Variants in LHFPL3 observed in about 807,000 individuals in gnomAD.
LHFPL3 encodes LHFPL tetraspan subfamily member 3 protein.
A neutral mutation model predicts 19.3 loss-of-function variants in LHFPL3; 5 were observed. The ratio of observed to expected loss-of-function variants is 0.26; its 90% CI spans 0.14 to 0.54. LHFPL3 has a LOEUF of 0.54. Ranked by LOEUF, LHFPL3 falls within the 20% of genes least tolerant of loss-of-function variation. LHFPL3 has a pLI of 0.94. For missense variants in LHFPL3, 249 were observed against 307.4 expected (o/e 0.81, Z 1.42); for synonymous variants, 133 against 126.2 (o/e 1.05, Z -0.36).
intron 1 of LHFPL3, among the ~76,000 whole-genome samples, chr7:104,707,585 A>G (rs1793215680): frequency 6.6e-6 from 1 of 152,162 alleles, no homozygotes; most frequent in African/African-American, 2.4e-5. Context: ...CACAAGGAGG[A>G]TGTTTATTCT....
chr7:104,444,942 C>T (rs115506240), intron 1 of LHFPL3, among the ~76,000 whole-genome samples: 2,546 of 151,820 alleles, frequency 0.017, 85 homozygotes, highest in East Asian at 0.13. Context: ...GAGTTGAAAT[C>T]GCGCCATTGC....
chr7:104,372,209 C>T (rs1157136451), intron 1 of LHFPL3, among the ~76,000 whole-genome samples: 1 of 152,150 alleles, frequency 6.6e-6, no homozygotes, highest in Non-Finnish European at 1.5e-5. Context: ...TCCAGCCTTG[C>T]GCAGCCTGGA....
chr7:104,846,891 G>A (rs1394987615), intron 2 of LHFPL3, among the ~76,000 whole-genome samples: 1 of 152,214 alleles, frequency 6.6e-6, no homozygotes, highest in Non-Finnish European at 1.5e-5. Context: ...AGTTTGCTGA[G>A]TAACCTCAGG....
intron 1 of LHFPL3, among the ~76,000 whole-genome samples, chr7:104,697,630 G>A (rs1161490243): frequency 6.6e-6 from 1 of 152,218 alleles, no homozygotes. Context: ...AACAAGTGGT[G>A]TATTTTGGAG....
intron 1 of LHFPL3, among the ~76,000 whole-genome samples, chr7:104,366,663 T>G (rs1790500623): frequency 1.3e-5 from 2 of 152,312 alleles, no homozygotes; most frequent in Middle Eastern, 3.4e-3. Context: ...GCCTCCCACT[T>G]CTATAGGATG....
At chr7:104,833,073 T>TTA (rs374962817) in intron 2 of LHFPL3, among the ~76,000 whole-genome samples, 1 of 89,676 alleles carries the variant, frequency 1.1e-5, no homozygotes, top group African/African-American at 4.8e-5. Flanking sequence ...AATATATATA[T>TTA]TATATATATC....
At chr7:104,688,448 G>A (rs1000475366) in intron 1 of LHFPL3, among the ~76,000 whole-genome samples, 1 of 152,160 alleles carries the variant, frequency 6.6e-6, no homozygotes, top group Non-Finnish European at 1.5e-5. Context: ...GGCGTTGATT[G>A]GAAAAGAATG....
At chr7:104,465,300 C>T (rs546695260) in intron 1 of LHFPL3, among the ~76,000 whole-genome samples, 1 of 152,190 alleles carries the variant, frequency 6.6e-6, no homozygotes, top group Non-Finnish European at 1.5e-5. Context: ...CTAGGAAGTT[C>T]CAAACTTTTC....
intron 1 of LHFPL3, among the ~76,000 whole-genome samples, chr7:104,557,834 C>A (rs925547136): frequency 6.7e-6 from 1 of 149,974 alleles, no homozygotes; most frequent in Non-Finnish European, 1.5e-5. Context: ...CCCACTCCCC[C>A]CACCCCACCA....
intron 1 of LHFPL3, among the ~76,000 whole-genome samples, chr7:104,410,431 C>A (rs1295214700): frequency 6.6e-6 from 1 of 152,212 alleles, no homozygotes; most frequent in African/African-American, 2.4e-5. Context: ...CTGCACCCGG[C>A]CTGTATGTCT....
At chr7:104,710,885 A>G (rs1254059591) in intron 1 of LHFPL3, among the ~76,000 whole-genome samples, 6 of 152,208 alleles carry the variant, frequency 3.9e-5, no homozygotes, top group African/African-American at 1.2e-4. Context: ...TGTTCAAACT[A>G]TTAATCTCAC....
At chr7:104,773,486 C>T (rs1794591607) in intron 2 of LHFPL3, among the ~76,000 whole-genome samples, 1 of 152,216 alleles carries the variant, frequency 6.6e-6, no homozygotes. Context: ...CCTTTATTCC[C>T]CTCTTGGAGA....
At chr7:104,342,247 G>A (rs1374944044) in intron 1 of LHFPL3, among the ~76,000 whole-genome samples, 3 of 152,056 alleles carry the variant, frequency 2.0e-5, no homozygotes, top group Non-Finnish European at 4.4e-5. Flanking sequence ...GGTCTTGGTG[G>A]TCATGAACTA....
At chr7:104,665,437 A>G (rs1792314210) in intron 1 of LHFPL3, among the ~76,000 whole-genome samples, 1 of 152,232 alleles carries the variant, frequency 6.6e-6, no homozygotes, top group African/African-American at 2.4e-5. Flanking sequence ...CCATTAAAAA[A>G]ATGTAACCAT....
At chr7:104,777,816 A>C (rs1794657840) in intron 2 of LHFPL3, among the ~76,000 whole-genome samples, 1 of 152,068 alleles carries the variant, frequency 6.6e-6, no homozygotes, top group Admixed American at 6.5e-5. Context: ...GTTTGAATGG[A>C]AACACAGCAG....
intron 1 of LHFPL3, among the ~76,000 whole-genome samples, chr7:104,334,929 C>T (rs182744331): frequency 7.1e-4 from 108 of 152,162 alleles, no homozygotes; most frequent in Non-Finnish European, 3.4e-4. Context: ...GGTTGGATTT[C>T]CTTATGTACC....
chr7:104,696,114 C>A (rs1343502169), intron 1 of LHFPL3, among the ~76,000 whole-genome samples: 10 of 152,098 alleles, frequency 6.6e-5, no homozygotes, highest in Non-Finnish European at 7.4e-5. Flanking sequence ...CCACGCCCGG[C>A]TAATTTTTGT....
chr7:104,748,337 C>T (rs1487466351), intron 2 of LHFPL3, among the ~76,000 whole-genome samples: 1 of 149,014 alleles, frequency 6.7e-6, no homozygotes, highest in Non-Finnish European at 1.5e-5. Flanking sequence ...GCCCGACACC[C>T]GTAAAGGGTC....
At chr7:104,709,012 A>G (rs1487696255) in intron 1 of LHFPL3, among the ~76,000 whole-genome samples, 6 of 152,064 alleles carry the variant, frequency 3.9e-5, no homozygotes, top group African/African-American at 1.2e-4. Context: ...ATGCAAAAAA[A>G]ATTGCACCTC....
Sources: allele counts gnomAD v4.1 joint callset (sites outside exome capture counted in the v4.1 genomes callset), GRCh38; gene constraint gnomAD v4.1.1; transcripts MANE v1.5; gene names NCBI Gene and HGNC (gene_info 2026-07-23, HGNC 2026-07-21).